UCK1: variants seen among roughly 807,000 people sequenced by gnomAD.
UCK1 encodes the protein cytidine monophosphokinase 1.
Under a neutral mutation model 34.0 loss-of-function variants are expected in UCK1, and 20 were observed. The ratio of observed to expected loss-of-function variants is 0.59; its 90% CI spans 0.41 to 0.86. The LOEUF (loss-of-function observed/expected upper bound fraction) is 0.86, where lower values mean the gene tolerates loss of function less well. Ranked by LOEUF, UCK1 falls within the 40% of genes least tolerant of loss-of-function variation. The pLI, the probability that UCK1 is intolerant of heterozygous loss-of-function variation, is 0.00. For synonymous variants in UCK1, 168 were observed against 155.9 expected (o/e 1.08, Z -0.58); for missense variants, 343 against 383.6 (o/e 0.89, Z 0.88).
chr9:131,531,012 G>C (rs557267671), intron 1 of UCK1, 55 bp downstream of exon 1: 8 of 1,306,514 alleles, frequency 6.1e-6, no homozygotes, highest in Non-Finnish European at 7.8e-6. Context: ...TCTCTGGACC[G>C]GGCCGCCCGT....
chr9:131,526,242 C>A (rs559051464), intron 5 of UCK1: 3 of 667,534 alleles, frequency 4.5e-6, no homozygotes, highest in Non-Finnish European at 7.5e-6. Flanking sequence ...AGACAGCCCC[C>A]TTCCAGTGTT....
At chr9:131,531,001 C>T in intron 1 of UCK1, 66 bp downstream of exon 1, 1 of 1,290,092 alleles carries the variant, frequency 7.8e-7, no homozygotes, top group Non-Finnish European at 9.9e-7. Context: ...CTGGGGTCTC[C>T]TCTCTGGACC....
rs1230149370 is a variant in UCK1 at position 131,530,660 on chromosome 9, G to A, written c.109-15C>T. The A allele has an allele frequency of 1.2e-6, 2 of 1,614,118 alleles. No individual in the cohort carries two copies. The highest frequency in any genetic ancestry group is 1.7e-6 in the Non-Finnish European group (2 of 1,180,044). ...CACACGGTCGACTGGAGACACAGAA[G>A]CGGGATTCCCGCCTGGAACCGCTCG... On this transcript the variant is annotated splice_polypyrimidine_tract_variant and intron_variant, in intron 1 of 6. Coordinates refer to ENST00000372215, the MANE Select transcript of UCK1 (RefSeq NM_031432.5).
intron 5 of UCK1, chr9:131,526,350 G>A: frequency 1.7e-6 from 2 of 1,155,198 alleles, no homozygotes; most frequent in Non-Finnish European, 2.3e-6. Flanking sequence ...TTGTTCCTCT[G>A]GAATCATGAA....
Position 131,528,993 on chromosome 9 carries a change from G to A in UCK1, c.554C>T (p.Thr185Met), listed in dbSNP as rs182091862. 77 of 1,614,148 alleles carry A rather than the reference G, an allele frequency of 4.8e-5. No individual in the cohort carries two copies. Among genetic ancestry groups the A allele is most frequent in the Non-Finnish European group, 6.4e-5 (75 of 1,180,014 alleles). The change falls in exon 5 of 7, where the codon ACG (threonine) becomes ATG (methionine). Residue 185 changes from threonine to methionine, a missense_variant. Coordinates refer to ENST00000372215, the MANE Select transcript of UCK1 (RefSeq NM_031432.5). ...RRGRDLEQIL[T>M]QYTTFVKPAF... The stretch of plus-strand genomic sequence containing the variant: ...CGGCTTCACGAAGGTGGTGTACTGC[G>A]TCAGAATCTGCTCCAGGTCCCTCCC...
At position 131,525,920 on chromosome 9, in the gene UCK1, GCTT is replaced by G; in HGVS notation, c.652+6_652+8del. 6.2e-7 allele frequency: 1 copy of G among 1,613,706 alleles called. No individual in the cohort carries two copies. Among genetic ancestry groups the G allele is most frequent in the Non-Finnish European group, 8.5e-7 (1 of 1,179,868 alleles). ...GGCGGGGGGACAGCCCAGCAGGCCA[GCTT>G]CTTACCCATATTGTCCACTCCTCGC... On this transcript the variant is annotated splice_donor_region_variant and intron_variant, in intron 6 of 6. Coordinates refer to ENST00000372215, the MANE Select transcript of UCK1 (RefSeq NM_031432.5).
At chr9:131,526,417 G>A in intron 5 of UCK1, 4 of 1,293,488 alleles carry the variant, frequency 3.1e-6, no homozygotes, top group Non-Finnish European at 4.0e-6. Context: ...CATAATTACT[G>A]CAGGCAGAGA....
Position 131,525,212 on chromosome 9 carries a change from T to A in UCK1, c.662A>T (p.Asn221Ile), listed in dbSNP as rs753206783. The A allele has an allele frequency of 6.2e-7, 1 of 1,613,844 alleles. No homozygotes were observed. The highest frequency in any genetic ancestry group is 1.1e-5 in the South Asian group (1 of 91,076). The change falls in exon 7 of 7, where the codon AAC (asparagine) becomes ATC (isoleucine). Residue 221 changes from asparagine to isoleucine, a missense_variant. Asn to Ile is a moderately radical substitution (Grantham distance 149). Transcript: ENST00000372215. The part of the protein sequence containing the change: ...PRGVDNMVAI[N>I]LIVQHIQDIL... ...GTCCTGGATGTGCTGCACGATCAGG[T>A]TGATGGCAACTGCGCCAAGAGACAG...
intron 1 of UCK1, 74 bp from the exon 2 acceptor site, chr9:131,530,719 C>A: frequency 6.2e-7 from 1 of 1,613,370 alleles, no homozygotes; most frequent in Middle Eastern, 1.7e-4. Flanking sequence ...CTTCTGGAGA[C>A]ACTGACCCAC....
chr9:131,529,314 T>A, intron 3 of UCK1, 44 bp from the exon 4 acceptor site: 1 of 1,610,906 alleles, frequency 6.2e-7, no homozygotes, highest in Non-Finnish European at 8.5e-7. Flanking sequence ...AGACACAGGG[T>A]CTCCAGGCCA....
intron 2 of UCK1, 58 bp downstream of exon 2, chr9:131,530,428 G>A: frequency 6.2e-7 from 1 of 1,600,338 alleles, no homozygotes; most frequent in Non-Finnish European, 8.6e-7. Flanking sequence ...AGCGCAGCTG[G>A]TTAGCGGCCG....
In UCK1 at chr9:131,528,155, CAA is replaced by C. The variant is rs532103503; in HGVS notation, c.603+787_603+788del. 4.0e-5 allele frequency among the ~76,000 whole-genome samples: 5 copies of C among 123,770 alleles called. No individual in the cohort carries two copies. The South Asian group carries it at 1.2e-3, about 30-fold the overall frequency. 81.2% of individuals were successfully genotyped at this position (123,770 alleles called of 152,430 possible). A position where few individuals can be genotyped will look rare whatever the true frequency, so the allele number is the denominator to read the frequency against. On this transcript the variant is annotated intron_variant, in intron 5 of 6. Transcript: ENST00000372215. ...TGCCATTGCACTCCACCCTAGACGA[CAA>C]AAAGAGACCCTATCTCAAAAAAAAA...
At position 131,530,314 on chromosome 9, in the gene UCK1, G is replaced by A. The variant is rs551044802; in HGVS notation, c.268+172C>T. Among the ~76,000 whole-genome samples, 190 of 152,346 alleles carry A rather than the reference G, an allele frequency of 1.2e-3. 1 individual carries two copies. The highest frequency in any genetic ancestry group is 3.5e-4 in the Non-Finnish European group (24 of 68,028). On this transcript the variant is annotated intron_variant, in intron 2 of 6. Coordinates refer to ENST00000372215, the MANE Select transcript of UCK1 (RefSeq NM_031432.5). Reference sequence around the variant, plus strand: ...GGACACTCAGGGCCCAGAGAACTCAGCAAAGTTCCCCTGACTTCACTGTGC... The same window carrying A: ...GGACACTCAGGGCCCAGAGAACTCAACAAAGTTCCCCTGACTTCACTGTGC...
chr9:131,529,649 T>G, intron 2 of UCK1, 65 bp from the exon 3 acceptor site: 1 of 1,492,624 alleles, frequency 6.7e-7, no homozygotes, highest in Non-Finnish European at 9.3e-7. Flanking sequence ...CAGGGAACCC[T>G]CTCTGCTCTG....
intron 5 of UCK1, chr9:131,526,562 T>TA (rs1216600615): frequency 7.9e-7 from 1 of 1,268,792 alleles, no homozygotes; most frequent in African/African-American, 1.5e-5. Flanking sequence ...CTGGGGAGGG[T>TA]CCGCAGCCAG....
At chr9:131,526,100 A>ACCAGCACC in intron 5 of UCK1, 123 bp from the exon 6 acceptor site, 1 of 1,094,208 alleles carries the variant, frequency 9.1e-7, no homozygotes, top group Non-Finnish European at 1.4e-6. Flanking sequence ...TGCTGGTGTC[A>ACCAGCACC]TCGGCAAATG....
chr9:131,525,242 G>A, intron 6 of UCK1, 21 bp from the exon 7 acceptor site: 4 of 1,612,782 alleles, frequency 2.5e-6, no homozygotes, highest in Non-Finnish European at 3.4e-6. Context: ...AGACAGACAA[G>A]CAGCGGGTTA....
At chr9:131,529,612 A>G in intron 2 of UCK1, 28 bp from the exon 3 acceptor site, 2 of 1,607,746 alleles carry the variant, frequency 1.2e-6, no homozygotes, top group Non-Finnish European at 1.7e-6. Flanking sequence ...AAGGCAAGAC[A>G]GGCAGATGCC....
chr9:131,525,289 C>T (rs1950548840), intron 6 of UCK1, 68 bp from the exon 7 acceptor site: 1 of 1,600,646 alleles, frequency 6.2e-7, no homozygotes, highest in Middle Eastern at 2.3e-4. Flanking sequence ...CCCCTCCCCG[C>T]AGCACTCGGC....
Sources: gnomAD v4.1 joint callset for allele counts (sites outside exome capture counted in the v4.1 genomes callset) on GRCh38, gnomAD v4.1.1 for gene constraint, MANE v1.5 for transcripts, NCBI Gene and HGNC (gene_info 2026-07-23, HGNC 2026-07-21) for gene names.